Variants in SLC6A6 observed in about 807,000 individuals in gnomAD.
SLC6A6 encodes solute carrier family 6 member 6.
SLC6A6 carries 16 observed loss-of-function variants against 68.8 expected under a neutral mutation model. The ratio of observed to expected loss-of-function variants is 0.23; its 90% confidence interval spans 0.16 to 0.35. The LOEUF is 0.35. Among genes scored for constraint, SLC6A6 ranks in the 10% least tolerant of loss-of-function variants. The probability of loss-of-function intolerance (pLI) is 1.00; values close to 1 mark genes in which losing one functional copy is unlikely to be tolerated. For synonymous variants in SLC6A6, 312 were observed against 315.4 expected, an observed-to-expected ratio of 0.99 and a Z score of 0.12; for missense variants, 474 against 802.8, an observed-to-expected ratio of 0.59 and a Z score of 4.95.
In SLC6A6 at chr3:14,472,327, AG is replaced by A; in HGVS notation, c.1209+13del. 1 of 1,524,456 alleles carries A rather than the reference AG, an allele frequency of 6.6e-7. No individual in the cohort carries two copies. 94.4% of individuals were successfully genotyped at this position (1,524,456 alleles called of 1,614,324 possible). ...TGGACTGGATAGCCAGGTGCGTATA[AG>A]GGATGGCCCTGGGGCGACTGCCCCT... On this transcript the variant is annotated intron_variant, in intron 10 of 14. Coordinates refer to ENST00000622186, the MANE Select transcript of SLC6A6 (RefSeq NM_003043.6). The surrounding 1 kb of genome is among the most constrained non-coding windows in gnomAD (Gnocchi z 4.5).
At chr3:14,465,629 G>A (rs757062102) in intron 6 of SLC6A6, among the ~76,000 whole-genome samples, 9 of 152,202 alleles carry the variant, frequency 5.9e-5, no homozygotes, top group Non-Finnish European at 1.3e-4. Context: ...TAAGCAATGT[G>A]CCTAAGATCA....
intron 6 of SLC6A6, among the ~76,000 whole-genome samples, chr3:14,463,604 G>A (rs1360399439): frequency 2.6e-5 from 4 of 152,238 alleles, no homozygotes; most frequent in Admixed American, 2.6e-4. Flanking sequence ...GTGGGAACTG[G>A]TCGGGGCGCC....
At chr3:14,459,316 G>A (rs1264259550) in intron 6 of SLC6A6, among the ~76,000 whole-genome samples, 2 of 152,332 alleles carry the variant, frequency 1.3e-5, no homozygotes, top group East Asian at 1.9e-4. Context: ...GAGGGTTGAG[G>A]AATGTGTCTC....
rs1701127169 is a variant in SLC6A6, at chr3:14,485,253, A to G, written c.*246A>G. 5.6e-6 allele frequency: 2 copies of G among 356,720 alleles called. No individual in the cohort carries two copies. Among genetic ancestry groups the G allele is most frequent in the South Asian group, 1.8e-4 (2 of 11,146 alleles). The allele number at this position is 356,720 out of a possible 1,614,324, so 22.1% of individuals were successfully genotyped here. A position where few individuals can be genotyped will look rare whatever the true frequency, so the allele number is the denominator to read the frequency against. Reference sequence around the variant, plus strand: ...AAAACCCACGGGAAGATGTCCGTGGAGAGGCAGAGCTTTCATACTGAATTA... The same window carrying G: ...AAAACCCACGGGAAGATGTCCGTGGGGAGGCAGAGCTTTCATACTGAATTA... On this transcript the variant is annotated 3_prime_UTR_variant, in exon 15 of 15. Transcript: ENST00000622186.
intron 6 of SLC6A6, among the ~76,000 whole-genome samples, chr3:14,462,896 T>C (rs1198392667): frequency 6.7e-6 from 1 of 148,824 alleles, no homozygotes; most frequent in Non-Finnish European, 1.5e-5. Context: ...TTCTTGTCTC[T>C]TTGTCCGGCA....
At chr3:14,455,842 C>T (rs1363576556) in intron 5 of SLC6A6, among the ~76,000 whole-genome samples, 10 of 152,306 alleles carry the variant, frequency 6.6e-5, no homozygotes, top group South Asian at 2.1e-4. Context: ...TGTGGTTGGC[C>T]GCCAGCCTGC....
chr3:14,421,194 C>G (rs1267468797), intron 2 of SLC6A6, among the ~76,000 whole-genome samples: 1 of 152,150 alleles, frequency 6.6e-6, no homozygotes, highest in Non-Finnish European at 1.5e-5. Context: ...AGAAGCAGCC[C>G]CCAGTCTGCC....
chr3:14,405,038 T>A (rs1699074462), intron 1 of SLC6A6, among the ~76,000 whole-genome samples: 1 of 152,214 alleles, frequency 6.6e-6, no homozygotes, highest in African/African-American at 2.4e-5. Flanking sequence ...TTGCCTTGAC[T>A]GGACAAAATT....
Position 14,485,020 on chromosome 3 carries a change from C to CGACG in SLC6A6, c.*15_*18dup, listed in dbSNP as rs1559318125. On this transcript the variant is annotated 3_prime_UTR_variant, in exon 15 of 15. Coordinates refer to ENST00000622186, the MANE Select transcript of SLC6A6 (RefSeq NM_003043.6). ...GACCATGATGTGAGCTCTCTCGGGT[C>CGACG]GACGGGGCCGGCGGCTTTCCTGCTG... The CGACG allele has an allele frequency of 6.3e-7, 1 of 1,595,802 alleles. No individual in the cohort carries two copies. The highest frequency in any genetic ancestry group is 1.7e-5 in the Admixed American group (1 of 59,420).
intron 5 of SLC6A6, among the ~76,000 whole-genome samples, chr3:14,457,028 G>A (rs1466322801): frequency 6.6e-6 from 1 of 152,204 alleles, no homozygotes; most frequent in Admixed American, 6.5e-5. Context: ...AAGTTTCATG[G>A]CCTGGGCTGT....
chr3:14,434,784 G>T (rs369985789), intron 2 of SLC6A6, among the ~76,000 whole-genome samples: 22 of 152,110 alleles, frequency 1.4e-4, no homozygotes, highest in African/African-American at 5.1e-4. Flanking sequence ...GGAGCCTGCC[G>T]TGCCTCCACC....
intron 5 of SLC6A6, chr3:14,448,240 A>G (rs899425208): frequency 1.1e-5 from 3 of 267,176 alleles, no homozygotes; most frequent in African/African-American, 6.9e-5. Flanking sequence ...GTAGAGTGAA[A>G]AAGATGCATC....
At chr3:14,453,607 A>G (rs1420168250) in intron 5 of SLC6A6, among the ~76,000 whole-genome samples, 2 of 152,252 alleles carry the variant, frequency 1.3e-5, no homozygotes, top group Non-Finnish European at 2.9e-5. Context: ...TCAGTGATCA[A>G]GACAGACATA....
rs1435119922 is a variant in SLC6A6 at position 14,443,717 on chromosome 3, C to T, written c.83C>T (p.Thr28Met). 5.0e-6 allele frequency: 8 copies of T among 1,613,926 alleles called. No homozygotes were observed. Among genetic ancestry groups the T allele is most frequent in the African/African-American group, 1.3e-5 (1 of 74,896 alleles). ...LKPSPGKSPGTRPEDEAEGKP... is the reference protein window; with the variant it reads ...LKPSPGKSPGMRPEDEAEGKP... Reference sequence around the variant, plus strand: ...CCCTCACCAGGGAAGAGCCCAGGCACGCGGCCTGAGGACGAGGCTGAGGGA... The same window carrying T: ...CCCTCACCAGGGAAGAGCCCAGGCATGCGGCCTGAGGACGAGGCTGAGGGA... Residue 28 changes from threonine (T) to methionine (M), a missense_variant, in exon 3 of 15, where the codon ACG becomes ATG. Transcript: ENST00000622186.
Position 14,416,530 on chromosome 3 carries a change from C to T in SLC6A6, c.-12+77C>T, listed in dbSNP as rs557540417. On this transcript the variant is annotated intron_variant, in intron 2 of 14. Transcript: ENST00000622186. ...TGACCCAAGGTGGGGGGCTCAGGAG[C>T]TCCGTGTCTCCCCCAGGCTCTAGGA... 1.0e-5 allele frequency: 4 copies of T among 398,398 alleles called. No individual in the cohort carries two copies. In the Admixed American group the frequency reaches 1.3e-4, roughly 13 times the overall value. The allele number at this position is 398,398 out of a possible 1,614,324, so 24.7% of individuals were successfully genotyped here.
chr3:14,447,783 C>T lies in SLC6A6; in HGVS notation c.566C>T (p.Thr189Ile). Residue 189 changes from threonine to isoleucine, a missense_variant, in exon 5 of 15, where the codon ACC (threonine) becomes ATC (isoleucine). Thr to Ile is a moderately conservative substitution (Grantham distance 89, BLOSUM62 -1). This residue lies in a region of SLC6A6 where 280 missense variants were observed against 533.1 expected (regional missense o/e 0.53). Transcript: ENST00000622186. ...AGTGTCTGGATCACCATCAGCTCCA[C>T]CAACTTCACCTCCCCTGTCATCGAG... ...NKSVWITISS[T>I]NFTSPVIEFW... The T allele has an allele frequency of 4.3e-6, 7 of 1,614,246 alleles. No individual in the cohort carries two copies. The highest frequency in any genetic ancestry group is 5.9e-6 in the Non-Finnish European group (7 of 1,180,048).
rs1401365539 is a variant in SLC6A6, at chr3:14,468,769, G to A, written c.1096+557G>A. 1.3e-5 allele frequency among the ~76,000 whole-genome samples: 2 copies of A among 152,220 alleles called. No homozygotes were observed. Among genetic ancestry groups the A allele is most frequent in the Admixed American group, 6.5e-5 (1 of 15,280 alleles). On this transcript the variant is annotated intron_variant, in intron 9 of 14. Coordinates refer to ENST00000622186, the MANE Select transcript of SLC6A6 (RefSeq NM_003043.6). This position sits in a 1 kb window ranked among gnomAD's most constrained non-coding sequence, Gnocchi z 4.5. ...GATGAGGGGACGACCTACTGGGACGGTGGCAGATCCAACTGGGGGTGGGTT... is the reference window on the plus strand; with the variant it reads ...GATGAGGGGACGACCTACTGGGACGATGGCAGATCCAACTGGGGGTGGGTT...
At chr3:14,478,387 A>G in intron 11 of SLC6A6, 79 bp from the exon 12 acceptor site, 1 of 804,600 alleles carries the variant, frequency 1.2e-6, no homozygotes, top group Non-Finnish European at 2.1e-6. Context: ...AATCTTATTG[A>G]TATGCCAGAG....
chr3:14,413,336 T>G (rs1300834485), intron 1 of SLC6A6, among the ~76,000 whole-genome samples: 1 of 152,230 alleles, frequency 6.6e-6, no homozygotes, highest in Admixed American at 6.5e-5. Flanking sequence ...TTCCGTTGTT[T>G]AAAGGCTGGT....
Sources: allele counts gnomAD v4.1 joint callset (sites outside exome capture counted in the v4.1 genomes callset), GRCh38; gene constraint gnomAD v4.1.1; regional missense constraint gnomAD v4.1.1; non-coding constraint Gnocchi (gnomAD v3.1); transcripts MANE v1.5; gene names NCBI Gene and HGNC (gene_info 2026-07-23, HGNC 2026-07-21).